Variants in SPOCK3 observed in about 807,000 individuals in gnomAD.
SPOCK3 encodes the protein SPARC (osteonectin), cwcv and kazal like domains proteoglycan 3, also known as testican-3.
SPOCK3 carries 30 observed loss-of-function variants against 56.6 expected under a neutral mutation model. That is an observed-to-expected ratio of 0.53 (90% CI 0.40 to 0.72). The LOEUF is 0.72. SPOCK3 is among the 30% of genes least tolerant of loss of function. The probability of loss-of-function intolerance (pLI) is 0.00; values close to 1 mark genes in which losing one functional copy is unlikely to be tolerated. For synonymous variants in SPOCK3, 196 were observed against 183.3 expected, an observed-to-expected ratio of 1.07 and a Z score of -0.56; for missense variants, 527 against 530.0, an observed-to-expected ratio of 0.99 and a Z score of 0.06.
intron 9 of SPOCK3, among the ~76,000 whole-genome samples, chr4:166,741,729 T>C (rs1047472645): frequency 3.3e-5 from 5 of 152,202 alleles, no homozygotes; most frequent in Non-Finnish European, 7.4e-5. Context: ...TTTCTGCTGA[T>C]GTTTTAACTT....
chr4:166,820,591 AGGTTGAGT>A (rs1744829627), intron 6 of SPOCK3, among the ~76,000 whole-genome samples: 1 of 151,952 alleles, frequency 6.6e-6, no homozygotes, highest in Non-Finnish European at 1.5e-5. Flanking sequence ...TGGGAGGCCG[AGGTTGAGT>A]GAATCACTTG....
intron 6 of SPOCK3, among the ~76,000 whole-genome samples, chr4:166,881,249 C>T (rs115773513): frequency 4.0e-3 from 603 of 151,732 alleles, no homozygotes; most frequent in South Asian, 8.3e-3. Context: ...CTTATTTAGT[C>T]ACTTGCAAAA....
At chr4:167,159,735 C>T (rs1215940420) in intron 2 of SPOCK3, among the ~76,000 whole-genome samples, 2 of 152,084 alleles carry the variant, frequency 1.3e-5, no homozygotes, top group African/African-American at 4.8e-5. Flanking sequence ...GCTGATTCAA[C>T]ATACGCAAAT....
intron 2 of SPOCK3, among the ~76,000 whole-genome samples, chr4:167,132,811 C>T (rs1415017439): frequency 6.6e-6 from 1 of 152,142 alleles, no homozygotes; most frequent in East Asian, 1.9e-4. Context: ...TCTCCTTCTT[C>T]TGCATGTGTC....
chr4:166,827,804 A>G (rs1745634456), intron 6 of SPOCK3, among the ~76,000 whole-genome samples: 1 of 150,128 alleles, frequency 6.7e-6, no homozygotes. Flanking sequence ...GGGAGTGAGA[A>G]TAATGGTCCT....
chr4:167,179,483 T>A (rs2110738396), intron 2 of SPOCK3, among the ~76,000 whole-genome samples: 1 of 152,342 alleles, frequency 6.6e-6, no homozygotes, highest in African/African-American at 2.4e-5. Flanking sequence ...CTCTTTGAGT[T>A]GCTAACATAA....
At chr4:167,054,668 GA>G (rs1754591203) in intron 3 of SPOCK3, among the ~76,000 whole-genome samples, 1 of 152,230 alleles carries the variant, frequency 6.6e-6, no homozygotes, top group South Asian at 2.1e-4. Flanking sequence ...AAGCTCATTT[GA>G]AAACATTTTA....
chr4:167,090,512 T>A (rs576427273), intron 2 of SPOCK3, among the ~76,000 whole-genome samples: 107 of 152,302 alleles, frequency 7.0e-4, no homozygotes, highest in African/African-American at 1.8e-3. Context: ...GGATTTATTT[T>A]TTTTTTTTGA....
intron 2 of SPOCK3, among the ~76,000 whole-genome samples, chr4:167,114,152 G>A (rs1485586092): frequency 1.3e-5 from 2 of 152,056 alleles, no homozygotes; most frequent in Non-Finnish European, 2.9e-5. Context: ...AAATAAACGA[G>A]AGAGAGGTCA....
intron 6 of SPOCK3, among the ~76,000 whole-genome samples, chr4:166,856,195 T>C (rs938773227): frequency 7.8e-6 from 1 of 127,798 alleles, no homozygotes; most frequent in Admixed American, 7.8e-5. Flanking sequence ...GGAAGTGGAG[T>C]GGGTAGAAAT....
At chr4:167,111,034 C>CA (rs1444889543) in intron 2 of SPOCK3, among the ~76,000 whole-genome samples, 1 of 150,610 alleles carries the variant, frequency 6.6e-6, no homozygotes, top group Non-Finnish European at 1.5e-5. Flanking sequence ...CTTACAGGGC[C>CA]AAAAAAAGAA....
intron 3 of SPOCK3, among the ~76,000 whole-genome samples, chr4:167,058,236 T>G (rs974482451): frequency 9.2e-5 from 14 of 152,148 alleles, no homozygotes; most frequent in Non-Finnish European, 1.8e-4. Context: ...GACATGATTG[T>G]ATATCTAGAA....
intron 4 of SPOCK3, among the ~76,000 whole-genome samples, chr4:166,919,398 A>AT (rs1403410643): frequency 6.6e-6 from 1 of 152,176 alleles, no homozygotes; most frequent in African/African-American, 2.4e-5. Flanking sequence ...CAAGTAAATG[A>AT]TTTTTTAAGT....
chr4:167,109,374 T>TTA (rs1444501838), intron 2 of SPOCK3, among the ~76,000 whole-genome samples: 1 of 24,332 alleles, frequency 4.1e-5, no homozygotes. Context: ...ATATATATAT[T>TTA]TATATAAAAT....
In SPOCK3 at chr4:166,963,769, G is replaced by A. The variant is rs183773610; in HGVS notation, c.350+36580C>T. Among the ~76,000 whole-genome samples, 344 of 152,036 alleles carry A rather than the reference G, an allele frequency of 2.3e-3. 5 individuals are homozygous for A. Among genetic ancestry groups the A allele is most frequent in the African/African-American group, 5.9e-3 (244 of 41,534 alleles). ...GTGGGAGGACATGAATATGAATACA[G>A]TGTTGGCATGATTTGCAACTTGTTT... On this transcript the variant is annotated intron_variant, in intron 4 of 10. Coordinates refer to ENST00000357545, the MANE Select transcript of SPOCK3 (RefSeq NM_001040159.2).
At chr4:167,204,923 T>A (rs1409484234) in intron 2 of SPOCK3, among the ~76,000 whole-genome samples, 1 of 150,142 alleles carries the variant, frequency 6.7e-6, no homozygotes, top group Admixed American at 6.7e-5. Context: ...ACTCCTGGGA[T>A]CAAGCAATCC....
chr4:166,968,837 A>T (rs1745044996), intron 4 of SPOCK3, among the ~76,000 whole-genome samples: 1 of 152,132 alleles, frequency 6.6e-6, no homozygotes, highest in South Asian at 2.1e-4. Context: ...TGGTACATCC[A>T]CTGACAGCTT....
chr4:166,996,188 C>CT (rs1438484544), intron 4 of SPOCK3, among the ~76,000 whole-genome samples: 3 of 151,920 alleles, frequency 2.0e-5, no homozygotes, highest in South Asian at 2.1e-4. Context: ...CTTCCTTATT[C>CT]TTTTTTTTCT....
At chr4:167,144,470 T>G (rs571229426) in intron 2 of SPOCK3, among the ~76,000 whole-genome samples, 24 of 152,058 alleles carry the variant, frequency 1.6e-4, no homozygotes, top group Non-Finnish European at 3.2e-4. Context: ...TTGCTCAGTT[T>G]GCAAGTTTTT....
Sources: allele counts gnomAD v4.1 joint callset (sites outside exome capture counted in the v4.1 genomes callset), GRCh38; gene constraint gnomAD v4.1.1; transcripts MANE v1.5; gene names NCBI Gene and HGNC (gene_info 2026-07-23, HGNC 2026-07-21).